The following TEKT5 variants were observed in gnomAD, a reference collection of about 807,000 sequenced individuals.
TEKT5 encodes tektin 5.
Under a neutral mutation model 48.7 loss-of-function variants are expected in TEKT5, and 52 were observed. That is an observed-to-expected ratio of 1.07 (90% confidence interval 0.86 to 1.35). The LOEUF (loss-of-function observed/expected upper bound fraction) is 1.35. TEKT5 is among the 40% of genes most tolerant of loss of function. The pLI, the probability that TEKT5 is intolerant of heterozygous loss-of-function variation, is 0.00. For synonymous variants in TEKT5, 318 were observed against 267.6 expected (o/e 1.19, Z -1.84); for missense variants, 831 against 641.6 (o/e 1.30, Z -3.19).
chr16:10,688,998 A>T (rs908711482), intron 3 of TEKT5, among the ~76,000 whole-genome samples: 1 of 152,200 alleles, frequency 6.6e-6, no homozygotes, highest in Admixed American at 6.5e-5. Context: ...TCAGTTGTAC[A>T]CATCTCAGTA....
intron 3 of TEKT5, among the ~76,000 whole-genome samples, chr16:10,686,933 G>A (rs186758032): frequency 6.6e-6 from 1 of 152,304 alleles, no homozygotes; most frequent in East Asian, 1.9e-4. Context: ...TGTCATTTGT[G>A]ACAACATGGA....
chr16:10,652,122 T>C (rs147350500), intron 5 of TEKT5, among the ~76,000 whole-genome samples: 1 of 152,152 alleles, frequency 6.6e-6, no homozygotes, highest in Non-Finnish European at 1.5e-5. Flanking sequence ...GGGCTGGAGG[T>C]GAGGTTTAGT....
At chr16:10,668,985 T>C (rs1461670612) in intron 5 of TEKT5, among the ~76,000 whole-genome samples, 1 of 152,216 alleles carries the variant, frequency 6.6e-6, no homozygotes, top group Non-Finnish European at 1.5e-5. Context: ...TGTAGAAACA[T>C]GAGCTCTGAA....
At chr16:10,646,967 T>C (rs922791649) in intron 5 of TEKT5, among the ~76,000 whole-genome samples, 2 of 152,208 alleles carry the variant, frequency 1.3e-5, no homozygotes, top group African/African-American at 4.8e-5. Context: ...GTGGGGGCAG[T>C]GGGTGGGATG....
chr16:10,631,992 C>T (rs1183933763), intron 6 of TEKT5, among the ~76,000 whole-genome samples: 1 of 151,980 alleles, frequency 6.6e-6, no homozygotes, highest in Non-Finnish European at 1.5e-5. Context: ...GGTTGTGGGA[C>T]TGTGCTGCGG....
chr16:10,644,707 TCTC>T (rs1310222222), intron 5 of TEKT5, among the ~76,000 whole-genome samples: 1 of 152,198 alleles, frequency 6.6e-6, no homozygotes, highest in Admixed American at 6.5e-5. Context: ...TTCACACTGT[TCTC>T]CTATCGCCTA....
intron 5 of TEKT5, among the ~76,000 whole-genome samples, chr16:10,662,754 C>T (rs1029868342): frequency 1.2e-4 from 19 of 152,218 alleles, no homozygotes; most frequent in African/African-American, 4.6e-4. Context: ...ACAGCTCTGC[C>T]ATTTCCTAGC....
chr16:10,690,134 C>T, intron 1 of TEKT5, 109 bp from the exon 2 acceptor site: 2 of 1,193,940 alleles, frequency 1.7e-6, no homozygotes, highest in Middle Eastern at 1.9e-4. Flanking sequence ...CTCCCGGAAA[C>T]CTGGGTGCTT....
At chr16:10,630,817 G>A (rs148179561) in intron 6 of TEKT5, among the ~76,000 whole-genome samples, 7,393 of 152,052 alleles carry the variant, frequency 0.049, 570 homozygotes, top group African/African-American at 0.16. Context: ...TCAGGGGTTC[G>A]AGACCAGCCT....
intron 5 of TEKT5, among the ~76,000 whole-genome samples, chr16:10,641,020 A>G (rs74007199): frequency 0.022 from 3,421 of 152,246 alleles, 131 homozygotes; most frequent in African/African-American, 0.079. Flanking sequence ...ATCATAGAAT[A>G]GGTCAATGTT....
chr16:10,664,467 G>T (rs769028006), intron 5 of TEKT5, among the ~76,000 whole-genome samples: 1 of 152,226 alleles, frequency 6.6e-6, no homozygotes, highest in Non-Finnish European at 1.5e-5. Flanking sequence ...GATGGTCCAA[G>T]GACCACACTT....
intron 4 of TEKT5, among the ~76,000 whole-genome samples, chr16:10,677,893 A>G (rs568891854): frequency 5.1e-4 from 77 of 152,180 alleles, no homozygotes; most frequent in Non-Finnish European, 9.7e-4. Flanking sequence ...CAGGACTCAC[A>G]GCGTGGTAGC....
chr16:10,659,559 T>C (rs1384387645), intron 5 of TEKT5, among the ~76,000 whole-genome samples: 2 of 152,110 alleles, frequency 1.3e-5, no homozygotes, highest in Non-Finnish European at 2.9e-5. Context: ...TTTTGTATTT[T>C]TAGTAGAGAT....
intron 1 of TEKT5, 61 bp from the exon 2 acceptor site, chr16:10,690,086 A>G: frequency 1.9e-6 from 3 of 1,556,000 alleles, no homozygotes; most frequent in East Asian, 2.2e-5. Context: ...CCTGAGCAGA[A>G]GGGACTCACA....
At chr16:10,641,058 T>A (rs1314960082) in intron 5 of TEKT5, among the ~76,000 whole-genome samples, 2 of 152,170 alleles carry the variant, frequency 1.3e-5, no homozygotes, top group African/African-American at 4.8e-5. Context: ...GTCAAAGTTT[T>A]CCCCCAGGTT....
intron 5 of TEKT5, among the ~76,000 whole-genome samples, chr16:10,636,675 A>G (rs1422085894): frequency 7.3e-6 from 1 of 136,064 alleles, no homozygotes; most frequent in African/African-American, 2.8e-5. Context: ...GGGTTTTTTC[A>G]TATATACATA....
At chr16:10,670,967 C>T (rs1029351073) in intron 5 of TEKT5, among the ~76,000 whole-genome samples, 4 of 151,870 alleles carry the variant, frequency 2.6e-5, no homozygotes, top group Admixed American at 6.6e-5. Flanking sequence ...TGCAGTGCCA[C>T]GATCATAGCT....
chr16:10,665,212 T>C lies in TEKT5; in HGVS notation c.1086+10747A>G, dbSNP rs183470986. Among the ~76,000 whole-genome samples, 7 of 152,214 alleles carry C rather than the reference T, an allele frequency of 4.6e-5. No individual in the cohort carries two copies. In the East Asian group the frequency reaches 1.4e-3, roughly 29 times the overall value. On this transcript the variant is annotated intron_variant, in intron 5 of 6. Coordinates refer to ENST00000283025, the MANE Select transcript of TEKT5 (RefSeq NM_144674.2). ...GACACAAAGGTGGAGGAGTCATCAC[T>C]TGGAAAAAATTAGGGGAATGCTGGG...
intron 5 of TEKT5, among the ~76,000 whole-genome samples, chr16:10,662,617 C>T (rs972419005): frequency 6.6e-6 from 1 of 152,236 alleles, no homozygotes; most frequent in Non-Finnish European, 1.5e-5. Flanking sequence ...TTTCTTGCAA[C>T]GTATCCTTGT....
Sources: gnomAD v4.1 joint callset for allele counts (sites outside exome capture counted in the v4.1 genomes callset) on GRCh38, gnomAD v4.1.1 for gene constraint, MANE v1.5 for transcripts, NCBI Gene and HGNC (gene_info 2026-07-23, HGNC 2026-07-21) for gene names.